Variants in UBA6 observed in about 807,000 individuals in gnomAD.
UBA6 encodes ubiquitin-like modifier-activating enzyme 6.
Under a neutral mutation model 148.3 loss-of-function variants are expected in UBA6, and 87 were observed. That is an observed-to-expected ratio of 0.59 (90% confidence interval 0.49 to 0.70). UBA6 has a LOEUF of 0.70. Among genes scored for constraint, UBA6 ranks in the 30% least tolerant of loss-of-function variants. The probability of loss-of-function intolerance (pLI) is 0.00; values close to 1 mark genes in which losing one functional copy is unlikely to be tolerated. For missense variants in UBA6, 1,186 were observed against 1,241.2 expected (o/e 0.96, Z 0.67); for synonymous variants, 376 against 401.0 (o/e 0.94, Z 0.75).
At chr4:67,693,899 GCAA>G (rs1560504198) in intron 2 of UBA6, among the ~76,000 whole-genome samples, 2 of 151,878 alleles carry the variant, frequency 1.3e-5, no homozygotes. Context: ...GTCCCCATAA[GCAA>G]CAGATACAGA....
intron 12 of UBA6, 26 bp downstream of exon 12, chr4:67,663,113 A>C: frequency 1.9e-6 from 3 of 1,549,566 alleles, no homozygotes; most frequent in Non-Finnish European, 2.6e-6. Flanking sequence ...AAAGGAAAAT[A>C]CTTATTTTTA....
At chr4:67,672,508 A>T in intron 7 of UBA6, among the ~76,000 whole-genome samples, 1 of 152,172 alleles carries the variant, frequency 6.6e-6, no homozygotes, top group Non-Finnish European at 1.5e-5. Flanking sequence ...TTCTCTCCAT[A>T]CAGCAAGCCA....
intron 1 of UBA6, among the ~76,000 whole-genome samples, chr4:67,697,105 A>G (rs2109963329): frequency 6.6e-6 from 1 of 152,268 alleles, no homozygotes; most frequent in East Asian, 1.9e-4. Flanking sequence ...TCCTGGTTTC[A>G]GACGATTTTC....
chr4:67,650,671 A>T (rs2109921345), intron 13 of UBA6, among the ~76,000 whole-genome samples: 1 of 152,298 alleles, frequency 6.6e-6, no homozygotes, highest in Middle Eastern at 3.4e-3. Context: ...ACATTGTTAC[A>T]ATCTCGGACA....
intron 2 of UBA6, among the ~76,000 whole-genome samples, chr4:67,696,401 A>G (rs532878315): frequency 7.4e-5 from 11 of 148,322 alleles, no homozygotes; most frequent in African/African-American, 2.4e-4. Flanking sequence ...ATGTGTGTAT[A>G]TATACACACA....
At chr4:67,646,293 C>A (rs535552819) in intron 15 of UBA6, among the ~76,000 whole-genome samples, 2 of 152,178 alleles carry the variant, frequency 1.3e-5, no homozygotes, top group South Asian at 4.1e-4. Context: ...AAGGAAAGTT[C>A]TTAGAGGAAT....
intron 8 of UBA6, among the ~76,000 whole-genome samples, chr4:67,669,907 T>C (rs1424901761): frequency 6.6e-6 from 1 of 152,108 alleles, no homozygotes; most frequent in African/African-American, 2.4e-5. Flanking sequence ...AAAATTAAAA[T>C]TTATGACAAG....
rs1728663765 is a variant in UBA6 at position 67,617,962 on chromosome 4, C to CTTT, written c.*1034_*1035insAAA. The CTTT allele has an allele frequency of 6.7e-6, 1 of 148,246 alleles. No homozygotes were observed. The highest frequency in any genetic ancestry group is 2.5e-5 in the African/African-American group (1 of 40,496). 9.2% of individuals were successfully genotyped at this position (148,246 alleles called of 1,614,324 possible). A position where few individuals can be genotyped will look rare whatever the true frequency, so the allele number is the denominator to read the frequency against. The stretch of plus-strand genomic sequence containing the variant: ...AAACAAAGTTTCTCTCAATAAAGAC[C>CTTT]TTAAAAAATAAATTTTTATCTTCAT... On this transcript the variant is annotated 3_prime_UTR_variant, in exon 33 of 33. Coordinates refer to ENST00000322244, the MANE Select transcript of UBA6 (RefSeq NM_018227.6).
intron 19 of UBA6, 112 bp from the exon 20 acceptor site, chr4:67,635,670 GC>G (rs933417048): frequency 3.1e-6 from 2 of 642,140 alleles, no homozygotes; most frequent in African/African-American, 3.7e-5. Context: ...CTTCTTGAAT[GC>G]AGTATTTTAG....
intron 13 of UBA6, among the ~76,000 whole-genome samples, chr4:67,660,899 C>G (rs552074489): frequency 6.6e-6 from 1 of 152,354 alleles, no homozygotes; most frequent in South Asian, 2.1e-4. Flanking sequence ...CCTCTTGCAT[C>G]AGCGTGACCT....
chr4:67,624,064 T>G, intron 30 of UBA6, 62 bp downstream of exon 30: 1 of 1,399,684 alleles, frequency 7.1e-7, no homozygotes, highest in Non-Finnish European at 9.5e-7. Context: ...TTTTTCCCTT[T>G]TAAAAGGTAA....
chr4:67,668,692 C>A lies in UBA6; in HGVS notation c.670-18G>T. The A allele has an allele frequency of 6.3e-7, 1 of 1,599,646 alleles. No homozygotes were observed. The highest frequency in any genetic ancestry group is 1.7e-5 in the Admixed American group (1 of 57,288). Reference sequence around the variant, plus strand: ...GGATTTGCCTAAAAATAAGAGTAATCTATTAAAAAAGAACTTCTTTTTTGT... The same window carrying A: ...GGATTTGCCTAAAAATAAGAGTAATATATTAAAAAAGAACTTCTTTTTTGT... On this transcript the variant is annotated intron_variant, in intron 8 of 32. Transcript: ENST00000322244.
At chr4:67,675,510 C>T (rs182903226) in intron 6 of UBA6, among the ~76,000 whole-genome samples, 2 of 152,274 alleles carry the variant, frequency 1.3e-5, no homozygotes, top group Admixed American at 1.3e-4. Context: ...GCGGGAGGAT[C>T]ACCTGAGGTC....
intron 2 of UBA6, among the ~76,000 whole-genome samples, chr4:67,689,678 G>A (rs189179125): frequency 6.6e-6 from 1 of 152,230 alleles, no homozygotes; most frequent in Non-Finnish European, 1.5e-5. Flanking sequence ...GAATGTGTAA[G>A]TGCCTTCTTA....
chr4:67,634,581 A>T (rs940390433), intron 20 of UBA6, 63 bp from the exon 21 acceptor site: 4 of 1,247,968 alleles, frequency 3.2e-6, no homozygotes, highest in Non-Finnish European at 3.3e-6. Context: ...TTATTGATTT[A>T]ATCTAGTTTT....
intron 2 of UBA6, among the ~76,000 whole-genome samples, chr4:67,693,005 A>C (rs557681260): frequency 6.6e-6 from 1 of 152,338 alleles, no homozygotes; most frequent in African/African-American, 2.4e-5. Context: ...TGACAGGAGG[A>C]TCAGTATTGT....
chr4:67,670,719 G>C (rs973339119), intron 7 of UBA6, 127 bp from the exon 8 acceptor site: 1 of 721,440 alleles, frequency 1.4e-6, no homozygotes, highest in Admixed American at 2.7e-5. Context: ...AGAATACAAA[G>C]TAAATCATAA....
chr4:67,616,169 T>G lies in UBA6; in HGVS notation c.*2828A>C, dbSNP rs958079247. 7.6e-6 allele frequency: 3 copies of G among 396,890 alleles called. No homozygotes were observed. The highest frequency in any genetic ancestry group is 1.3e-5 in the Non-Finnish European group (3 of 225,064). The allele number at this position is 396,890 out of a possible 1,614,324, so 24.6% of individuals were successfully genotyped here. ...AAGAGCTCAACTCTGATTTTTTTTTTTTCAGAGAAAGCATTCAGATTATAT... is the reference window on the plus strand; with the variant it reads ...AAGAGCTCAACTCTGATTTTTTTTTGTTCAGAGAAAGCATTCAGATTATAT... On this transcript the variant is annotated 3_prime_UTR_variant, in exon 33 of 33. Transcript: ENST00000322244.
intron 6 of UBA6, among the ~76,000 whole-genome samples, chr4:67,674,884 A>C (rs961273070): frequency 1.3e-5 from 2 of 150,256 alleles, no homozygotes; most frequent in Non-Finnish European, 3.0e-5. Context: ...TTTTTTTTTG[A>C]GACACAGTCT....
Sources: allele counts gnomAD v4.1 joint callset (sites outside exome capture counted in the v4.1 genomes callset), GRCh38; gene constraint gnomAD v4.1.1; transcripts MANE v1.5; gene names NCBI Gene and HGNC (gene_info 2026-07-23, HGNC 2026-07-21).